The following FAM178B variants were observed in gnomAD, a reference collection of about 807,000 sequenced individuals.
FAM178B encodes the protein family with sequence similarity 178 member B.
FAM178B carries 82 observed loss-of-function variants against 91.7 expected under a neutral mutation model. That is an observed-to-expected ratio of 0.89 (90% CI 0.75 to 1.07). The LOEUF (loss-of-function observed/expected upper bound fraction) is 1.07. Ranked by LOEUF, FAM178B falls within the 50% of genes least tolerant of loss-of-function variation. The probability of loss-of-function intolerance (pLI) is 0.00; values close to 1 mark genes in which losing one functional copy is unlikely to be tolerated. For synonymous variants in FAM178B, 368 were observed against 359.4 expected (o/e 1.02, Z -0.27); for missense variants, 769 against 846.7 (o/e 0.91, Z 1.14).
chr2:96,957,471 T>C (rs1357583552), intron 6 of FAM178B, among the ~76,000 whole-genome samples: 14 of 152,110 alleles, frequency 9.2e-5, no homozygotes, highest in Admixed American at 9.2e-4. Context: ...TGAGCCTCAT[T>C]AGCATATCTG....
At chr2:96,939,514 C>G (rs1380430168) in intron 8 of FAM178B, among the ~76,000 whole-genome samples, 2 of 152,002 alleles carry the variant, frequency 1.3e-5, no homozygotes, top group Non-Finnish European at 2.9e-5. Context: ...ACAAAACAAA[C>G]AAATGAACAA....
chr2:96,909,322 G>A (rs994019170), intron 12 of FAM178B, among the ~76,000 whole-genome samples: 2 of 152,108 alleles, frequency 1.3e-5, no homozygotes. Context: ...CTAACCAAAG[G>A]AAATCGTTCC....
intron 5 of FAM178B, among the ~76,000 whole-genome samples, chr2:96,962,430 AG>A (rs60579233): frequency 0.8 from 107,007 of 134,064 alleles, 43,475 homozygotes; most frequent in African/African-American, 0.87. Flanking sequence ...CTTCGTCTCA[AG>A]AAAAAAAAAA....
At chr2:96,936,050 A>G (rs2081620255) in intron 8 of FAM178B, among the ~76,000 whole-genome samples, 1 of 152,152 alleles carries the variant, frequency 6.6e-6, no homozygotes, top group Non-Finnish European at 1.5e-5. Flanking sequence ...TGTAAATAAT[A>G]GAGGAAACTG....
chr2:96,969,571 C>T (rs1559103330), intron 4 of FAM178B, among the ~76,000 whole-genome samples: 1 of 152,254 alleles, frequency 6.6e-6, no homozygotes, highest in Non-Finnish European at 1.5e-5. Context: ...CAATGCCAGG[C>T]ACACCGACAA....
intron 1 of FAM178B, among the ~76,000 whole-genome samples, chr2:96,982,267 T>C (rs1401304239): frequency 6.6e-6 from 1 of 151,866 alleles, no homozygotes; most frequent in African/African-American, 2.4e-5. Context: ...TTTATATATA[T>C]TATTATTTTA....
At position 96,986,339 on chromosome 2, in the gene FAM178B, G is replaced by A. The variant is rs2082423907; in HGVS notation, c.-26C>T. ...AGGGCGGGAAGGGCAGGGCTCCGGG[G>A]TGAGGGAGGGTGGCGGGAATTCGCA... On this transcript the variant is annotated 5_prime_UTR_variant, in exon 1 of 17. Transcript: ENST00000490605. 6.5e-6 allele frequency: 10 copies of A among 1,530,016 alleles called. No homozygotes were observed. Among genetic ancestry groups the A allele is most frequent in the Admixed American group, 2.0e-5 (1 of 49,828 alleles). 94.8% of individuals were successfully genotyped at this position (1,530,016 alleles called of 1,614,324 possible). A position where few individuals can be genotyped will look rare whatever the true frequency, so the allele number is the denominator to read the frequency against.
intron 6 of FAM178B, among the ~76,000 whole-genome samples, chr2:96,952,737 G>A (rs1232137186): frequency 2.0e-5 from 3 of 152,114 alleles, no homozygotes; most frequent in Non-Finnish European, 4.4e-5. Context: ...TACGTCCTGC[G>A]CATTTTGTGA....
intron 9 of FAM178B, among the ~76,000 whole-genome samples, chr2:96,926,192 A>G (rs1003400091): frequency 1.3e-5 from 2 of 152,212 alleles, no homozygotes; most frequent in Non-Finnish European, 2.9e-5. Context: ...AATCCCAGGT[A>G]CTCAGGAGGC....
intron 12 of FAM178B, among the ~76,000 whole-genome samples, chr2:96,915,675 G>A (rs1165796289): frequency 6.6e-6 from 1 of 151,962 alleles, no homozygotes; most frequent in African/African-American, 2.4e-5. Context: ...AATTAGCTGG[G>A]TGTGGTGGCA....
In FAM178B at chr2:96,986,479, G is replaced by A; in HGVS notation, c.-166C>T. 1 of 764,686 alleles carries A rather than the reference G, an allele frequency of 1.3e-6. No individual in the cohort carries two copies. The highest frequency in any genetic ancestry group is 2.0e-6 in the Non-Finnish European group (1 of 494,292). The allele number at this position is 764,686 out of a possible 1,614,324, so 47.4% of individuals were successfully genotyped here. ...CCCTAGATCCAGGGCCGCCAACGTG[G>A]AACCTAAAGATCCAGTTCTGGGGAT... On this transcript the variant is annotated 5_prime_UTR_variant, in exon 1 of 17. Coordinates refer to ENST00000490605, the MANE Select transcript of FAM178B (RefSeq NM_001122646.3).
chr2:96,972,996 G>A (rs2082243954), intron 1 of FAM178B, among the ~76,000 whole-genome samples: 1 of 151,916 alleles, frequency 6.6e-6, no homozygotes, highest in South Asian at 2.1e-4. Context: ...CTGAGGTCAG[G>A]AGGTCAAGCC....
intron 12 of FAM178B, among the ~76,000 whole-genome samples, chr2:96,906,693 C>T (rs1049960236): frequency 6.6e-6 from 1 of 152,222 alleles, no homozygotes; most frequent in African/African-American, 2.4e-5. Flanking sequence ...GCAGGCCACC[C>T]CGTGGCCCCA....
intron 6 of FAM178B, chr2:96,956,835 A>G (rs2082006123): frequency 1.3e-5 from 2 of 152,234 alleles, no homozygotes; most frequent in Admixed American, 1.3e-4. Context: ...AACTTTGTGT[A>G]TGGAATTGGA....
intron 9 of FAM178B, among the ~76,000 whole-genome samples, chr2:96,926,433 G>C (rs2081439545): frequency 1.3e-5 from 2 of 152,252 alleles, no homozygotes; most frequent in Non-Finnish European, 1.5e-5. Context: ...TTGGTAGCAG[G>C]AACAGCCTTG....
At chr2:96,888,957 C>T (rs542836322) in intron 14 of FAM178B, among the ~76,000 whole-genome samples, 61 of 152,342 alleles carry the variant, frequency 4.0e-4, no homozygotes, top group Middle Eastern at 6.8e-3. Flanking sequence ...CATCCCCAGG[C>T]CTCAGGAGCA....
intron 13 of FAM178B, among the ~76,000 whole-genome samples, chr2:96,897,397 G>C (rs181071175): frequency 2.0e-5 from 3 of 152,170 alleles, no homozygotes; most frequent in Admixed American, 6.5e-5. Context: ...TCCCCGATTT[G>C]AGCCACCCGA....
chr2:96,907,677 C>G (rs1203989615), intron 12 of FAM178B, among the ~76,000 whole-genome samples: 1 of 152,252 alleles, frequency 6.6e-6, no homozygotes, highest in East Asian at 1.9e-4. Context: ...CTTTTCCAAA[C>G]CCGCAGCAGG....
intron 13 of FAM178B, among the ~76,000 whole-genome samples, chr2:96,897,600 T>C (rs1202594309): frequency 6.6e-6 from 1 of 152,168 alleles, no homozygotes; most frequent in Admixed American, 6.5e-5. Context: ...CTTGTCTCTG[T>C]TCTCTTGCAT....
Sources: gnomAD v4.1 joint callset for allele counts (sites outside exome capture counted in the v4.1 genomes callset) on GRCh38, gnomAD v4.1.1 for gene constraint, MANE v1.5 for transcripts, NCBI Gene and HGNC (gene_info 2026-07-23, HGNC 2026-07-21) for gene names.